WASHC2C: variants seen among roughly 807,000 people sequenced by gnomAD.
WASHC2C encodes Vaccinia Penetration Factor.
A neutral mutation model predicts 142.2 loss-of-function variants in WASHC2C; 73 were observed. The observed-to-expected ratio is 0.51, with a 90% CI of 0.43 to 0.62. The LOEUF is 0.62. Among genes scored for constraint, WASHC2C ranks in the 20% least tolerant of loss-of-function variants. The pLI is 0.00. For missense variants in WASHC2C, 969 were observed against 1,531.7 expected, an observed-to-expected ratio of 0.63 and a Z score of 6.13; for synonymous variants, 337 against 565.5, an observed-to-expected ratio of 0.60 and a Z score of 5.73.
intron 3 of WASHC2C, among the ~76,000 whole-genome samples, chr10:45,732,089 C>T (rs567202156): frequency 6.6e-6 from 1 of 152,262 alleles, no homozygotes; most frequent in East Asian, 1.9e-4. Context: ...AGCCACCATA[C>T]CCGGCAATCT....
At chr10:45,754,804 C>A in intron 14 of WASHC2C, 132 bp from the exon 15 acceptor site, 1 of 1,314,242 alleles carries the variant, frequency 7.6e-7, no homozygotes, top group South Asian at 1.3e-5. Context: ...TGGATGGAGG[C>A]TATTGGGCCC....
chr10:45,730,968 T>G (rs1356525528), intron 3 of WASHC2C, among the ~76,000 whole-genome samples: 1 of 150,822 alleles, frequency 6.6e-6, no homozygotes, highest in Non-Finnish European at 1.5e-5. Flanking sequence ...TGGTACTAGA[T>G]TGGTACCAGA....
At chr10:45,779,312 G>A (rs1258523754) in intron 23 of WASHC2C, among the ~76,000 whole-genome samples, 177 bp downstream of exon 23, 1 of 146,420 alleles carries the variant, frequency 6.8e-6, no homozygotes, top group East Asian at 1.9e-4. Context: ...CTTACCTCAA[G>A]TAGCAGTGTT....
intron 5 of WASHC2C, among the ~76,000 whole-genome samples, chr10:45,742,503 A>T (rs2052224757): frequency 6.6e-6 from 1 of 152,108 alleles, no homozygotes; most frequent in Admixed American, 6.5e-5. Flanking sequence ...TTCGGTAGAT[A>T]TTGGGTTTCA....
At chr10:45,757,542 G>A (rs1554877834) in intron 16 of WASHC2C, among the ~76,000 whole-genome samples, 1 of 151,936 alleles carries the variant, frequency 6.6e-6, no homozygotes, top group Non-Finnish European at 1.5e-5. Flanking sequence ...TAATTCTATA[G>A]TAGAATCTAA....
chr10:45,779,982 T>TC (rs2057372878), intron 23 of WASHC2C, among the ~76,000 whole-genome samples: 1 of 123,278 alleles, frequency 8.1e-6, no homozygotes, highest in Non-Finnish European at 1.7e-5. Flanking sequence ...AGACTCCATC[T>TC]CAAAAAAAAA....
rs2058434816 is a variant in WASHC2C at position 45,792,246 on chromosome 10, T to C, written c.3887-15T>C. On this transcript the variant is annotated splice_polypyrimidine_tract_variant and intron_variant, in intron 30 of 30. Transcript: ENST00000623400. ...ACCCCTCTTCAGCAACTGTTTTTCTTTTTTCTTTCTAAAGATGACATCTTC... is the reference window on the plus strand; with the variant it reads ...ACCCCTCTTCAGCAACTGTTTTTCTCTTTTCTTTCTAAAGATGACATCTTC... 1 of 1,563,742 alleles carries C rather than the reference T, an allele frequency of 6.4e-7. No individual in the cohort carries two copies.
chr10:45,762,900 T>C lies in WASHC2C; in HGVS notation c.1636-488T>C, dbSNP rs2442911. 2.5e-3 allele frequency among the ~76,000 whole-genome samples: 354 copies of C among 144,052 alleles called. 1 individual carries two copies. Among genetic ancestry groups the C allele is most frequent in the Admixed American group, 3.1e-3 (43 of 13,922 alleles). 94.5% of individuals were successfully genotyped at this position (144,052 alleles called of 152,430 possible). ...CAGCCTGGGCAACAGAGCGAGACTCTGCCTCAAAAAAAAGAAAAAGAAGTA... is the reference window on the plus strand; with the variant it reads ...CAGCCTGGGCAACAGAGCGAGACTCCGCCTCAAAAAAAAGAAAAAGAAGTA... On this transcript the variant is annotated intron_variant, in intron 17 of 30. Transcript: ENST00000623400.
In WASHC2C at chr10:45,769,831, A is replaced by G. The variant is rs374808255; in HGVS notation, c.2039+213A>G. ...GGATCCTTATCTGATTTCTTCCCCA[A>G]TCATTATTTTTTAACCATATTCTTT... On this transcript the variant is annotated intron_variant, in intron 20 of 30. Transcript: ENST00000623400. 3.3e-4 allele frequency among the ~76,000 whole-genome samples: 50 copies of G among 150,816 alleles called. No homozygotes were observed. The East Asian group carries it at 3.8e-3, about 11-fold the overall frequency.
chr10:45,764,694 A>T (rs1421980986), intron 18 of WASHC2C, among the ~76,000 whole-genome samples: 1 of 152,162 alleles, frequency 6.6e-6, no homozygotes, highest in African/African-American at 2.4e-5. Context: ...CCACTTGCAA[A>T]CCAGGAACCT....
chr10:45,756,445 TTATCTTC>T, intron 15 of WASHC2C, among the ~76,000 whole-genome samples: 1 of 152,200 alleles, frequency 6.6e-6, no homozygotes, highest in African/African-American at 2.4e-5. Context: ...ATTGTTCAAA[TTATCTTC>T]TTATTTATAG....
intron 3 of WASHC2C, among the ~76,000 whole-genome samples, chr10:45,730,062 C>T (rs1334254986): frequency 3.6e-3 from 491 of 136,226 alleles, no homozygotes; most frequent in Non-Finnish European, 5.1e-3. Flanking sequence ...AACAAGTATT[C>T]GGCCAGGCGT....
Position 45,750,123 on chromosome 10 carries a change from G to C in WASHC2C, c.760G>C (p.Glu254Gln). The part of the protein sequence containing the change: ...QHTTQMSDEE[E>Q]DDDGCDLFAD... ...CACCACACAAATGAGTGATGAGGAA[G>C]AGGATGATGATGGCTGTGACCTTTT... Residue 254 changes from glutamate (E) to glutamine (Q), a missense_variant, in exon 9 of 31, where the codon GAG becomes CAG. Transcript: ENST00000623400. 5.0e-6 allele frequency: 8 copies of C among 1,611,320 alleles called. No homozygotes were observed. The highest frequency in any genetic ancestry group is 6.8e-6 in the Non-Finnish European group (8 of 1,179,720).
At chr10:45,748,265 G>T in intron 8 of WASHC2C, among the ~76,000 whole-genome samples, 1 of 127,568 alleles carries the variant, frequency 7.8e-6, no homozygotes, top group African/African-American at 3.0e-5. Context: ...ATCTGTAAAT[G>T]CAAACAGTTT....
chr10:45,789,692 T>C (rs1386333646), intron 29 of WASHC2C, among the ~76,000 whole-genome samples: 8 of 152,364 alleles, frequency 5.3e-5, no homozygotes, highest in African/African-American at 1.7e-4. Flanking sequence ...GTAGAATGTA[T>C]TTCTTGGCTG....
Position 45,784,281 on chromosome 10 carries a change from T to TAC in WASHC2C, c.2479-283_2479-282insCA, listed in dbSNP as rs1207152561. Among the ~76,000 whole-genome samples the TAC allele has an allele frequency of 5.7e-3, 52 of 9,044 alleles. 1 individual carries two copies. Among genetic ancestry groups the TAC allele is most frequent in the Non-Finnish European group, 0.015 (38 of 2,608 alleles). 5.9% of individuals were successfully genotyped at this position (9,044 alleles called of 152,430 possible). On this transcript the variant is annotated intron_variant, in intron 23 of 30. Coordinates refer to ENST00000623400, the MANE Select transcript of WASHC2C (RefSeq NM_001330074.2). ...ATATATATATATATATATATATATA[T>TAC]ATATATATACACATATATATATATA...
intron 5 of WASHC2C, among the ~76,000 whole-genome samples, 172 bp from the exon 6 acceptor site, chr10:45,743,218 T>C (rs1263415237): frequency 1.1e-4 from 17 of 152,168 alleles, no homozygotes; most frequent in Admixed American, 9.2e-4. Flanking sequence ...TTTAAAAAAA[T>C]CAGTGAAAAA....
chr10:45,741,737 A>G (rs1275033701), intron 5 of WASHC2C, among the ~76,000 whole-genome samples: 3 of 151,670 alleles, frequency 2.0e-5, no homozygotes, highest in Non-Finnish European at 2.9e-5. Context: ...GGGACAGGGC[A>G]GCATTTCCTT....
At chr10:45,730,830 A>G (rs2050481893) in intron 3 of WASHC2C, among the ~76,000 whole-genome samples, 1 of 152,192 alleles carries the variant, frequency 6.6e-6, no homozygotes, top group South Asian at 2.1e-4. Flanking sequence ...CGAGTTAGCC[A>G]GGATGATCTC....
Sources: gnomAD v4.1 joint callset for allele counts (sites outside exome capture counted in the v4.1 genomes callset) on GRCh38, gnomAD v4.1.1 for gene constraint, MANE v1.5 for transcripts, NCBI Gene and HGNC (gene_info 2026-07-23, HGNC 2026-07-21) for gene names.